Variants in LAMB2 observed in about 807,000 individuals in gnomAD.
LAMB2 encodes the protein laminin subunit beta-2.
Under a neutral mutation model 202.7 loss-of-function variants are expected in LAMB2, and 119 were observed. The ratio of observed to expected loss-of-function variants is 0.59; its 90% CI spans 0.51 to 0.68. The LOEUF is 0.68. LAMB2 is among the 30% of genes least tolerant of loss of function. The pLI, the probability that LAMB2 is intolerant of heterozygous loss-of-function variation, is 0.00. For missense variants in LAMB2, 2,124 were observed against 2,410.6 expected, an observed-to-expected ratio of 0.88 and a Z score of 2.49; for synonymous variants, 818 against 902.2, an observed-to-expected ratio of 0.91 and a Z score of 1.67.
At position 49,124,878 on chromosome 3, in the gene LAMB2, T is replaced by C. The variant is rs1225819213; in HGVS notation, c.2932A>G (p.Arg978Gly). The C allele has an allele frequency of 6.2e-7, 1 of 1,614,012 alleles. No individual in the cohort carries two copies. The part of the protein sequence containing the change: ...CAPGHFGDPS[R>G]PGGRCQLCEC... The stretch of plus-strand genomic sequence containing the variant: ...CACAGTTGGCACCGGCCACCTGGCC[T>C]TGATGGGTCCCCAAAGTGCCCAGGG... The change falls in exon 21 of 32, where the codon AGG becomes GGG. Residue 978 changes from arginine to glycine, a missense_variant. By Grantham distance (125) the Arg-to-Gly change is moderately radical. Transcript: ENST00000305544.
At position 49,121,953 on chromosome 3, in the gene LAMB2, G is replaced by A. The variant is rs1395356134; in HGVS notation, c.4914C>T (p.Thr1638=). The change falls in exon 29 of 32, where the codon ACC becomes ACT. Residue 1638 remains threonine, a synonymous_variant. Transcript: ENST00000305544. ...AVADTRDTEQ[T]LYQVQERMAG... ...CCTAGGAAGACCTCACCTGGTACAGGGTCTGCTCTGTGTCCCGTGTGTCAG... is the reference window on the plus strand; with the variant it reads ...CCTAGGAAGACCTCACCTGGTACAGAGTCTGCTCTGTGTCCCGTGTGTCAG... 6.2e-7 allele frequency: 1 copy of A among 1,613,922 alleles called. No homozygotes were observed. Among genetic ancestry groups the A allele is most frequent in the Non-Finnish European group, 8.5e-7 (1 of 1,180,032 alleles).
At position 49,131,557 on chromosome 3, in the gene LAMB2, A is replaced by G. The variant is rs1459477873; in HGVS notation, c.626T>C (p.Ile209Thr). Residue 209 changes from isoleucine (I) to threonine (T), a missense_variant, in exon 5 of 32, where the codon ATT (isoleucine) becomes ACT (threonine). Transcript: ENST00000305544. The surrounding 1 kb of genome is among the most constrained non-coding windows in gnomAD (Gnocchi z 5.0). ...DVVCESRYSEIEPSTEGEVIY... is the reference protein window; with the variant it reads ...DVVCESRYSETEPSTEGEVIY... ...CACCTCGCCTTCAGTGGATGGCTCA[A>G]TCTCTGAGTAGCGGGACTCACAGAC... 3 of 1,613,918 alleles carry G rather than the reference A, an allele frequency of 1.9e-6. No individual in the cohort carries two copies. The highest frequency in any genetic ancestry group is 2.5e-6 in the Non-Finnish European group (3 of 1,180,020).
At position 49,124,112 on chromosome 3, in the gene LAMB2, A is replaced by G; in HGVS notation, c.3425-12T>C. ...GTCACAATCACAGGCTGCAAGAAAG[A>G]GCAGAGCACAGAGTTAGGGTCACTG... On this transcript the variant is annotated splice_polypyrimidine_tract_variant and intron_variant, in intron 23 of 31. Coordinates refer to ENST00000305544, the MANE Select transcript of LAMB2 (RefSeq NM_002292.4). 6.2e-7 allele frequency: 1 copy of G among 1,614,142 alleles called. No homozygotes were observed. Among genetic ancestry groups the G allele is most frequent in the Non-Finnish European group, 8.5e-7 (1 of 1,180,026 alleles).
chr3:49,126,422 T>A lies in LAMB2; in HGVS notation c.2094A>T (p.Thr698=), dbSNP rs769908065. The change falls in exon 16 of 32, where the codon ACA becomes ACT. Residue 698 remains threonine (T), a synonymous_variant. Transcript: ENST00000305544. ...GAGTCTCAGGCTGGGCACTTCCCCC[T>A]GTCCGTACCAGCTTCAGATGCAGCT... ...SYKLHLKLVR[T]GGSAQPETPY... is the part of the protein sequence containing the mutation. 4 of 1,614,154 alleles carry A rather than the reference T, an allele frequency of 2.5e-6. No individual in the cohort carries two copies. Among genetic ancestry groups the A allele is most frequent in the Non-Finnish European group, 1.7e-6 (2 of 1,180,022 alleles).
Position 49,132,516 on chromosome 3 carries a change from G to T in LAMB2, c.224C>A (p.Pro75His). Residue 75 changes from proline to histidine, a missense_variant, in exon 2 of 32, where the codon CCC becomes CAC. Around this residue, in one of 3 missense-constraint regions of LAMB2, gnomAD observed 166 missense variants for 158.2 expected, o/e 1.05. Transcript: ENST00000305544. This position sits in a 1 kb window ranked among gnomAD's most constrained non-coding sequence, Gnocchi z 4.6. ...SSTCGLNGPQ[P>H]YCIVSHLQDE... is the part of the protein sequence containing the mutation. ...CTGCAGGTGACTGACGATGCAGTAG[G>T]GCTGGGGGCCATTCAGGCCACAAGT... is the stretch of plus-strand genomic sequence containing the variant. 1 of 1,613,844 alleles carries T rather than the reference G, an allele frequency of 6.2e-7. No homozygotes were observed. The highest frequency in any genetic ancestry group is 8.5e-7 in the Non-Finnish European group (1 of 1,180,022).
Position 49,124,845 on chromosome 3 carries a change from T to G in LAMB2, c.2965A>C (p.Ser989Arg), listed in dbSNP as rs766539657. The change falls in exon 21 of 32, where the codon AGT becomes CGT. Residue 989 changes from serine (S) to arginine (R), a missense_variant. Ser to Arg is a moderately radical substitution (Grantham distance 110). Coordinates refer to ENST00000305544, the MANE Select transcript of LAMB2 (RefSeq NM_002292.4). ...GGATCCATTGGGTCAATGTTCCCACTGCACTCACACAGTTGGCACCGGCCA... is the reference window on the plus strand; with the variant it reads ...GGATCCATTGGGTCAATGTTCCCACGGCACTCACACAGTTGGCACCGGCCA... The part of the protein sequence containing the change: ...PGGRCQLCEC[S>R]GNIDPMDPDA... The G allele has an allele frequency of 6.2e-7, 1 of 1,614,146 alleles. No individual in the cohort carries two copies. The highest frequency in any genetic ancestry group is 1.1e-5 in the South Asian group (1 of 91,090).
chr3:49,125,758 G>A lies in LAMB2; in HGVS notation c.2477C>T (p.Thr826Ile). The A allele has an allele frequency of 6.2e-7, 1 of 1,614,040 alleles. No individual in the cohort carries two copies. Among genetic ancestry groups the A allele is most frequent in the Non-Finnish European group, 8.5e-7 (1 of 1,179,964 alleles). Residue 826 changes from threonine to isoleucine, a missense_variant, in exon 18 of 32, where the codon ACA (threonine) becomes ATA (isoleucine). Physicochemically the swap from Thr to Ile is moderately conservative, Grantham distance 89. This residue lies in a region of LAMB2 where 1,702 missense variants were observed against 1,896.3 expected (regional missense o/e 0.90). Transcript: ENST00000305544. Reference protein sequence around the residue: ...CAPGYYGFGPTGCQACQCSHE... With the variant: ...CAPGYYGFGPIGCQACQCSHE... ...GGGCAGAAGAGTACCTTGACAGCCT[G>A]TGGGGCCAAAGCCATAGTAGCCAGG...
In LAMB2 at chr3:49,130,133, C is replaced by A; in HGVS notation, c.1225+98G>T. The A allele has an allele frequency of 1.3e-6, 2 of 1,584,976 alleles. No individual in the cohort carries two copies. Among genetic ancestry groups the A allele is most frequent in the South Asian group, 1.1e-5 (1 of 90,246 alleles). ...ATCCCTGGTCAAGTTCTATCCCAAGCCCCTAACCCCAATTTCCTGCAATTT... is the reference window on the plus strand; with the variant it reads ...ATCCCTGGTCAAGTTCTATCCCAAGACCCTAACCCCAATTTCCTGCAATTT... On this transcript the variant is annotated intron_variant, in intron 9 of 31. Coordinates refer to ENST00000305544, the MANE Select transcript of LAMB2 (RefSeq NM_002292.4). This position sits in a 1 kb window ranked among gnomAD's most constrained non-coding sequence, Gnocchi z 5.0.
In LAMB2 at chr3:49,122,224, C is replaced by T. The variant is rs951977631; in HGVS notation, c.4720G>A (p.Ala1574Thr). 2.3e-5 allele frequency: 37 copies of T among 1,613,376 alleles called. No homozygotes were observed. The highest frequency in any genetic ancestry group is 3.0e-5 in the Non-Finnish European group (35 of 1,180,050). Residue 1574 changes from alanine to threonine, a missense_variant, in exon 28 of 32, where the codon GCA (alanine) becomes ACA (threonine). Transcript: ENST00000305544. ...CGACGCACATCTCCTACAGTACGTG[C>T]CAGGATCGCATCCACATCTGCCAGG... is the stretch of plus-strand genomic sequence containing the variant. ...RSLADVDAIL[A>T]RTVGDVRRAE... is the part of the protein sequence containing the mutation.
rs1040319445 is a variant in LAMB2, at chr3:49,122,910, G to A, written c.4367C>T (p.Ala1456Val). 4 of 1,609,158 alleles carry A rather than the reference G, an allele frequency of 2.5e-6. No homozygotes were observed. The highest frequency in any genetic ancestry group is 3.4e-6 in the Non-Finnish European group (4 of 1,179,962). ...AATADLALGR[A>V]RHTQAELQRA... ...CTGCAGCTCTGCCTGTGTGTGCCGGGCCCGGCCCAGTGCTAGGTCTGCTGT... is the reference window on the plus strand; with the variant it reads ...CTGCAGCTCTGCCTGTGTGTGCCGGACCCGGCCCAGTGCTAGGTCTGCTGT... The change falls in exon 27 of 32, where the codon GCC becomes GTC. Residue 1456 changes from alanine (A) to valine (V), a missense_variant. By Grantham distance (64) the Ala-to-Val change is moderately conservative. Around this residue, in one of 3 missense-constraint regions of LAMB2, gnomAD observed 1,702 missense variants for 1,896.3 expected, o/e 0.90. Coordinates refer to ENST00000305544, the MANE Select transcript of LAMB2 (RefSeq NM_002292.4).
chr3:49,122,495 A>G, intron 27 of LAMB2, 125 bp from the exon 28 acceptor site: 5 of 1,014,178 alleles, frequency 4.9e-6, no homozygotes, highest in South Asian at 3.9e-5. Flanking sequence ...ATAAGGATAT[A>G]ATCACAAGGA....
At position 49,131,051 on chromosome 3, in the gene LAMB2, A is replaced by G; in HGVS notation, c.814T>C (p.Tyr272His). 1 of 1,613,938 alleles carries G rather than the reference A, an allele frequency of 6.2e-7. No individual in the cohort carries two copies. Among genetic ancestry groups the G allele is most frequent in the Non-Finnish European group, 8.5e-7 (1 of 1,180,034 alleles). ...CGTACAACCAGCTCATAGAGGGCAT[A>G]GTAGTACTTCTCTCGGATCTCCCTC... ...PRREIREKYYYALYELVVRGN... is the reference protein window; with the variant it reads ...PRREIREKYYHALYELVVRGN... Residue 272 changes from tyrosine (Y) to histidine (H), a missense_variant, in exon 7 of 32, where the codon TAT (tyrosine) becomes CAT (histidine). Physicochemically the swap from Tyr to His is moderately conservative, Grantham distance 83. Transcript: ENST00000305544. The surrounding 1 kb of genome is among the most constrained non-coding windows in gnomAD (Gnocchi z 5.0).
chr3:49,123,712 T>G lies in LAMB2; in HGVS notation c.3797+16A>C. The stretch of plus-strand genomic sequence containing the variant: ...CTCTGCCCCATCCCACCATGTATTC[T>G]TAGGCCCTTCCGCACCGCAGCTCCT... On this transcript the variant is annotated intron_variant, in intron 24 of 31. Transcript: ENST00000305544. 1 of 1,613,590 alleles carries G rather than the reference T, an allele frequency of 6.2e-7. No individual in the cohort carries two copies. Among genetic ancestry groups the G allele is most frequent in the Non-Finnish European group, 8.5e-7 (1 of 1,180,050 alleles).
In LAMB2 at chr3:49,121,927, T is replaced by C. The variant is rs116836607; in HGVS notation, c.4923+17A>G. On this transcript the variant is annotated intron_variant, in intron 29 of 31. Coordinates refer to ENST00000305544, the MANE Select transcript of LAMB2 (RefSeq NM_002292.4). ...TGCCCATAACCTTGTCCCACTGATG[T>C]CCTAGGAAGACCTCACCTGGTACAG... The C allele has an allele frequency of 0.022, 35,180 of 1,613,822 alleles. 436 individuals carry two copies. The highest frequency in any genetic ancestry group is 0.026 in the Non-Finnish European group (30,636 of 1,179,996).
Position 49,132,347 on chromosome 3 carries a change from G to A in LAMB2, c.308C>T (p.Pro103Leu), listed in dbSNP as rs1318164919. The change falls in exon 3 of 32, where the codon CCA becomes CTA. Residue 103 changes from proline to leucine, a missense_variant. Physicochemically the swap from Pro to Leu is moderately conservative, Grantham distance 98 (BLOSUM62 -3). This residue lies in a region of LAMB2 where 166 missense variants were observed against 158.2 expected (regional missense o/e 1.05). Transcript: ENST00000305544. The surrounding 1 kb of genome is among the most constrained non-coding windows in gnomAD (Gnocchi z 4.6). ...TACATTCTGGATGCGATGGCTGTGT[G>A]GGTTGTCTCTAGCAGAGAAGGGGCG... Reference protein sequence around the residue: ...SRRPFSARDNPHSHRIQNVVT... With the variant: ...SRRPFSARDNLHSHRIQNVVT... 1 of 1,614,106 alleles carries A rather than the reference G, an allele frequency of 6.2e-7. No individual in the cohort carries two copies. Among genetic ancestry groups the A allele is most frequent in the Non-Finnish European group, 8.5e-7 (1 of 1,180,042 alleles).
chr3:49,122,808 C>G lies in LAMB2; in HGVS notation c.4469G>C (p.Arg1490Pro). ...TRRQASEAQQ[R>P]AQAALDKANA... Reference sequence around the variant, plus strand: ...AGCCTTGTCCAGGGCTGCCTGGGCCCGCTGCTGTGCCTCGCTTGCCTGCCG... The same window carrying G: ...AGCCTTGTCCAGGGCTGCCTGGGCCGGCTGCTGTGCCTCGCTTGCCTGCCG... Residue 1490 changes from arginine (R) to proline (P), a missense_variant, in exon 27 of 32, where the codon CGG (arginine) becomes CCG (proline). Coordinates refer to ENST00000305544, the MANE Select transcript of LAMB2 (RefSeq NM_002292.4). 1 of 1,613,748 alleles carries G rather than the reference C, an allele frequency of 6.2e-7. No individual in the cohort carries two copies. Among genetic ancestry groups the G allele is most frequent in the South Asian group, 1.1e-5 (1 of 91,084 alleles).
rs761458514 is a variant in LAMB2 at position 49,124,466 on chromosome 3, G to A, written c.3256C>T (p.Leu1086Phe). The change falls in exon 22 of 32, where the codon CTC (leucine) becomes TTC (phenylalanine). Residue 1086 changes from leucine (L) to phenylalanine (F), a missense_variant. Leu to Phe is a conservative substitution (Grantham distance 22, BLOSUM62 0). Around this residue, in one of 3 missense-constraint regions of LAMB2, gnomAD observed 1,702 missense variants for 1,896.3 expected, o/e 0.90. Coordinates refer to ENST00000305544, the MANE Select transcript of LAMB2 (RefSeq NM_002292.4). Reference protein sequence around the residue: ...CDRCAPNFWNLTSGHGCQPCA... With the variant: ...CDRCAPNFWNFTSGHGCQPCA... ...GGCTGGCAACCATGGCCACTGGTGA[G>A]GTTCCAGAAGTTGGGGGCACAGCGG... is the stretch of plus-strand genomic sequence containing the variant. 6.2e-7 allele frequency: 1 copy of A among 1,613,746 alleles called. No individual in the cohort carries two copies. The highest frequency in any genetic ancestry group is 1.1e-5 in the South Asian group (1 of 91,088).
Position 49,131,656 on chromosome 3 carries a change from C to T in LAMB2, c.527G>A (p.Arg176Gln), listed in dbSNP as rs924410863. 2.4e-5 allele frequency: 38 copies of T among 1,613,542 alleles called. No homozygotes were observed. Among genetic ancestry groups the T allele is most frequent in the African/African-American group, 2.7e-5 (2 of 74,884 alleles). The change falls in exon 5 of 32, where the codon CGA becomes CAA. Residue 176 changes from arginine (R) to glutamine (Q), a missense_variant. This residue lies in a region of LAMB2 where 256 missense variants were observed against 356.1 expected (regional missense o/e 0.72). Coordinates refer to ENST00000305544, the MANE Select transcript of LAMB2 (RefSeq NM_002292.4). This position sits in a 1 kb window ranked among gnomAD's most constrained non-coding sequence, Gnocchi z 5.0. ...ADFGRTWHVY[R>Q]YFSYDCGADF... ...AGCCCCACAGTCATAGGAGAAATATCGGTACACATGCCAGGTGCGGCCAAA... is the reference window on the plus strand; with the variant it reads ...AGCCCCACAGTCATAGGAGAAATATTGGTACACATGCCAGGTGCGGCCAAA...
chr3:49,121,178 C>G lies in LAMB2; in HGVS notation c.*48G>C, dbSNP rs1430310657. On this transcript the variant is annotated 3_prime_UTR_variant, in exon 32 of 32. Coordinates refer to ENST00000305544, the MANE Select transcript of LAMB2 (RefSeq NM_002292.4). ...AAGAGCTCTTCAGTGCATAGGCAGA[C>G]ATGCATGTGGGGCAGTGCTAGGAAC... The G allele has an allele frequency of 7.5e-6, 12 of 1,609,276 alleles. No homozygotes were observed. Among genetic ancestry groups the G allele is most frequent in the Non-Finnish European group, 1.0e-5 (12 of 1,177,962 alleles).
Sources: allele counts gnomAD v4.1 joint callset, GRCh38; gene constraint gnomAD v4.1.1; regional missense constraint gnomAD v4.1.1; non-coding constraint Gnocchi (gnomAD v3.1); transcripts MANE v1.5; gene names NCBI Gene and HGNC (gene_info 2026-07-23, HGNC 2026-07-21).